The following TRERF1 variants were observed in gnomAD, a reference collection of about 807,000 sequenced individuals.
TRERF1 encodes the protein transcriptional regulating factor 1.
TRERF1 carries 27 observed loss-of-function variants against 122.9 expected under a neutral mutation model. The ratio of observed to expected loss-of-function variants is 0.22; its 90% confidence interval spans 0.16 to 0.30. The LOEUF (loss-of-function observed/expected upper bound fraction) is 0.30. Ranked by LOEUF, TRERF1 falls within the 10% of genes least tolerant of loss-of-function variation. The pLI is 1.00. For synonymous variants in TRERF1, 636 were observed against 641.7 expected, an observed-to-expected ratio of 0.99 and a Z score of 0.13; for missense variants, 1,248 against 1,560.3, an observed-to-expected ratio of 0.80 and a Z score of 3.37.
Position 42,259,954 on chromosome 6 carries a change from A to G in TRERF1, c.1885-231T>C, listed in dbSNP as rs1446385539. ...GGAAGAAATCCCTAATTTCTGAAAGAGCTGGGGGTGGTAGGAATAGTGGGT... is the reference window on the plus strand; with the variant it reads ...GGAAGAAATCCCTAATTTCTGAAAGGGCTGGGGGTGGTAGGAATAGTGGGT... On this transcript the variant is annotated intron_variant, in intron 8 of 17. Transcript: ENST00000372922. This position sits in a 1 kb window ranked among gnomAD's most constrained non-coding sequence, Gnocchi z 4.9. 6.6e-6 allele frequency among the ~76,000 whole-genome samples: 1 copy of G among 152,000 alleles called. No homozygotes were observed. Among genetic ancestry groups the G allele is most frequent in the Non-Finnish European group, 1.5e-5 (1 of 67,988 alleles).
At chr6:42,236,117 C>G (rs1772115837) in intron 16 of TRERF1, 88 bp downstream of exon 16, 14 of 1,476,856 alleles carry the variant, frequency 9.5e-6, no homozygotes, top group African/African-American at 1.4e-5. Context: ...TGGAAGAGCA[C>G]TCTCGAAAAT....
At chr6:42,330,389 C>T (rs1470785749) in intron 3 of TRERF1, among the ~76,000 whole-genome samples, 1 of 152,138 alleles carries the variant, frequency 6.6e-6, no homozygotes, top group Non-Finnish European at 1.5e-5. Context: ...AACATGCATG[C>T]CCTCTGACCC....
At chr6:42,308,353 A>G (rs1787651015) in intron 3 of TRERF1, among the ~76,000 whole-genome samples, 1 of 152,256 alleles carries the variant, frequency 6.6e-6, no homozygotes, top group African/African-American at 2.4e-5. Context: ...TGTTAAGTGA[A>G]AGACGTCAAA....
At chr6:42,324,358 T>C (rs967188171) in intron 3 of TRERF1, among the ~76,000 whole-genome samples, 1 of 152,204 alleles carries the variant, frequency 6.6e-6, no homozygotes, top group Non-Finnish European at 1.5e-5. Flanking sequence ...AATGCTATTC[T>C]TATCAAATGG....
At chr6:42,348,982 T>A (rs944214669) in intron 3 of TRERF1, among the ~76,000 whole-genome samples, 1 of 152,212 alleles carries the variant, frequency 6.6e-6, no homozygotes, top group Non-Finnish European at 1.5e-5. Flanking sequence ...TCCGCATCCA[T>A]GAACATGTCC....
intron 2 of TRERF1, among the ~76,000 whole-genome samples, chr6:42,448,973 C>A (rs966968662): frequency 6.6e-6 from 1 of 152,200 alleles, no homozygotes; most frequent in Non-Finnish European, 1.5e-5. Context: ...TGTGACCACA[C>A]ATTTTATTAT....
intron 3 of TRERF1, among the ~76,000 whole-genome samples, chr6:42,346,254 C>T (rs922975473): frequency 2.0e-5 from 3 of 152,194 alleles, no homozygotes; most frequent in Admixed American, 6.5e-5. Flanking sequence ...CAGCCACTAC[C>T]GATTCCCCTG....
In TRERF1 at chr6:42,384,460, C is replaced by T. The variant is rs562568764; in HGVS notation, c.-453-21381G>A. Among the ~76,000 whole-genome samples the T allele has an allele frequency of 5.9e-5, 9 of 152,274 alleles. No homozygotes were observed. The South Asian group carries it at 6.2e-4, about 11-fold the overall frequency. On this transcript the variant is annotated intron_variant, in intron 2 of 17. Transcript: ENST00000372922. ...ACATATTCATATACACATTTATATGCATAGATTATCTTTGAAAAGATACCC... is the reference window on the plus strand; with the variant it reads ...ACATATTCATATACACATTTATATGTATAGATTATCTTTGAAAAGATACCC...
chr6:42,263,338 G>A lies in TRERF1; in HGVS notation c.1866C>T (p.Asp622=), dbSNP rs756558302. The change falls in exon 8 of 18, where the codon GAC becomes GAT. Residue 622 remains aspartate (D), a synonymous_variant. Transcript: ENST00000372922. The surrounding 1 kb of genome is among the most constrained non-coding windows in gnomAD (Gnocchi z 5.6). ...TCCTCACGAGCACAGGCATCTCGTCGTCCGACATCGAGCTGGCTGGCTTGT... is the reference window on the plus strand; with the variant it reads ...TCCTCACGAGCACAGGCATCTCGTCATCCGACATCGAGCTGGCTGGCTTGT... 9.3e-6 allele frequency: 15 copies of A among 1,612,584 alleles called. No homozygotes were observed. Among genetic ancestry groups the A allele is most frequent in the South Asian group, 3.3e-5 (3 of 90,590 alleles).
chr6:42,289,661 A>G (rs1038846701), intron 4 of TRERF1, among the ~76,000 whole-genome samples: 5 of 152,208 alleles, frequency 3.3e-5, no homozygotes, highest in African/African-American at 4.8e-5. Context: ...AGAGAAGGAA[A>G]GTCAGTGTTC....
intron 4 of TRERF1, among the ~76,000 whole-genome samples, chr6:42,297,800 T>C (rs958413563): frequency 5.9e-5 from 9 of 151,940 alleles, no homozygotes; most frequent in Admixed American, 3.9e-4. Flanking sequence ...CCTCAGATAA[T>C]TCCCTAAGAT....
intron 2 of TRERF1, among the ~76,000 whole-genome samples, chr6:42,420,845 A>G (rs1403061788): frequency 6.8e-6 from 1 of 147,696 alleles, no homozygotes; most frequent in Admixed American, 6.6e-5. Flanking sequence ...CCACTGAGGT[A>G]GAAGAAGGTG....
At chr6:42,317,918 C>A (rs1287146308) in intron 3 of TRERF1, among the ~76,000 whole-genome samples, 1 of 152,058 alleles carries the variant, frequency 6.6e-6, no homozygotes, top group Admixed American at 6.5e-5. Flanking sequence ...CTTCAGGAGG[C>A]CGAGGCAGGC....
exon 18 of TRERF1, chr6:42,226,871 G>A (rs1200839285): frequency 6.6e-6 from 1 of 152,304 alleles, no homozygotes; most frequent in Non-Finnish European, 1.5e-5. Flanking sequence ...GGTGGGCGAT[G>A]CCTGAAAACA....
chr6:42,254,668 T>C (rs1776404071), intron 13 of TRERF1, among the ~76,000 whole-genome samples, 183 bp downstream of exon 13: 1 of 152,178 alleles, frequency 6.6e-6, no homozygotes, highest in Admixed American at 6.5e-5. Flanking sequence ...CAGGAGCTTA[T>C]GCCAACAGAC....
At chr6:42,316,030 G>A (rs949176483) in intron 3 of TRERF1, among the ~76,000 whole-genome samples, 1 of 152,174 alleles carries the variant, frequency 6.6e-6, no homozygotes, top group African/African-American at 2.4e-5. Context: ...TGCAGAATGA[G>A]TTGTTCTCTG....
At chr6:42,281,606 C>A (rs1782313616) in intron 4 of TRERF1, among the ~76,000 whole-genome samples, 1 of 152,184 alleles carries the variant, frequency 6.6e-6, no homozygotes, top group African/African-American at 2.4e-5. Context: ...AGGAGCCAAT[C>A]CCCTTCTCCA....
chr6:42,439,005 G>C (rs954071743), intron 2 of TRERF1, among the ~76,000 whole-genome samples: 1 of 152,198 alleles, frequency 6.6e-6, no homozygotes, highest in African/African-American at 2.4e-5. Context: ...CCTCAAGGAA[G>C]AAAAGGGGAC....
At chr6:42,441,055 A>G (rs1562218167) in intron 2 of TRERF1, among the ~76,000 whole-genome samples, 1 of 152,152 alleles carries the variant, frequency 6.6e-6, no homozygotes, top group Non-Finnish European at 1.5e-5. Flanking sequence ...TATATTTTCA[A>G]TAAATCCCTT....
Sources: allele counts gnomAD v4.1 joint callset (sites outside exome capture counted in the v4.1 genomes callset), GRCh38; gene constraint gnomAD v4.1.1; non-coding constraint Gnocchi (gnomAD v3.1); transcripts MANE v1.5; gene names NCBI Gene and HGNC (gene_info 2026-07-23, HGNC 2026-07-21).